GLT8D2: variants seen among roughly 807,000 people sequenced by gnomAD.
GLT8D2 encodes the protein glycosyltransferase 8 domain-containing protein 2.
GLT8D2 carries 45 observed loss-of-function variants against 44.5 expected under a neutral mutation model. The ratio of observed to expected loss-of-function variants is 1.01; its 90% CI spans 0.80 to 1.30. GLT8D2 has a LOEUF of 1.30. Among genes scored for constraint, GLT8D2 ranks in the 50% most tolerant of loss-of-function variants. The pLI, the probability that GLT8D2 is intolerant of heterozygous loss-of-function variation, is 0.00. For synonymous variants in GLT8D2, 156 were observed against 157.2 expected (o/e 0.99, Z 0.06); for missense variants, 400 against 430.4 (o/e 0.93, Z 0.62).
intron 1 of GLT8D2, among the ~76,000 whole-genome samples, chr12:104,025,123 C>T (rs1227722491): frequency 1.3e-5 from 2 of 150,996 alleles, no homozygotes; most frequent in African/African-American, 2.4e-5. Context: ...ATACTTTCCC[C>T]TGGTATGTGA....
chr12:103,993,807 C>T (rs140266717), intron 9 of GLT8D2: 25 of 249,692 alleles, frequency 1.0e-4, no homozygotes, highest in African/African-American at 5.0e-4. Flanking sequence ...TTTAGAATAA[C>T]TTTACTTGCA....
At chr12:103,994,256 C>A in intron 9 of GLT8D2, 79 bp downstream of exon 9, 1 of 1,381,014 alleles carries the variant, frequency 7.2e-7, no homozygotes. Flanking sequence ...TATTTCTAAC[C>A]CTTGAACTAT....
intron 6 of GLT8D2, among the ~76,000 whole-genome samples, chr12:103,998,231 C>CTT (rs34268360): frequency 2.2e-4 from 31 of 143,380 alleles, no homozygotes; most frequent in African/African-American, 5.9e-4. Flanking sequence ...AAACACCACT[C>CTT]TTTTTTTTTT....
At chr12:104,062,363 G>A (rs978610387) in intron 1 of GLT8D2, among the ~76,000 whole-genome samples, 20 of 150,170 alleles carry the variant, frequency 1.3e-4, no homozygotes, top group Middle Eastern at 7.3e-3. Flanking sequence ...GTGAGCCACC[G>A]CACCCGTCCT....
chr12:104,014,297 G>T, intron 4 of GLT8D2: 1 of 700,900 alleles, frequency 1.4e-6, no homozygotes, highest in South Asian at 1.5e-5. Flanking sequence ...CGAGGCTGCA[G>T]GGAGCTGCTA....
At chr12:104,057,208 T>G (rs1348206108) in intron 1 of GLT8D2, among the ~76,000 whole-genome samples, 1 of 152,186 alleles carries the variant, frequency 6.6e-6, no homozygotes, top group African/African-American at 2.4e-5. Context: ...TGCTGAAAGA[T>G]ATCTCACAAC....
intron 1 of GLT8D2, among the ~76,000 whole-genome samples, chr12:104,030,573 A>C (rs965539450): frequency 1.3e-5 from 2 of 152,144 alleles, no homozygotes; most frequent in African/African-American, 4.8e-5. Flanking sequence ...CTGCACTGCA[A>C]AGGAGCAATC....
At chr12:104,009,016 C>T (rs1875468719) in intron 4 of GLT8D2, among the ~76,000 whole-genome samples, 2 of 152,250 alleles carry the variant, frequency 1.3e-5, no homozygotes, top group Non-Finnish European at 2.9e-5. Flanking sequence ...CATGGAGGAC[C>T]TCTGCTAGGG....
At chr12:104,038,837 G>A (rs1880221848) in intron 1 of GLT8D2, among the ~76,000 whole-genome samples, 2 of 152,054 alleles carry the variant, frequency 1.3e-5, no homozygotes, top group African/African-American at 4.8e-5. Flanking sequence ...ACATCGCCAA[G>A]ACAATCCTAA....
intron 4 of GLT8D2, among the ~76,000 whole-genome samples, chr12:104,004,499 A>G (rs1226438265): frequency 6.6e-6 from 1 of 152,206 alleles, no homozygotes; most frequent in East Asian, 1.9e-4. Flanking sequence ...TCAGCCCATA[A>G]TCTCCTCAAG....
intron 4 of GLT8D2, among the ~76,000 whole-genome samples, chr12:104,013,181 T>C (rs991749136): frequency 6.6e-6 from 1 of 152,226 alleles, no homozygotes; most frequent in South Asian, 2.1e-4. Context: ...GAAAGTTCCA[T>C]TGAGCTGCCT....
Position 104,030,373 on chromosome 12 carries a change from C to A in GLT8D2, c.-163-8882G>T, listed in dbSNP as rs1879099646. Among the ~76,000 whole-genome samples, 3 of 151,790 alleles carry A rather than the reference C, an allele frequency of 2.0e-5. No individual in the cohort carries two copies. The South Asian group carries it at 6.2e-4, about 31-fold the overall frequency. ...ATTACATATTAAATAAGTAATTATT[C>A]ATTTTTATTATTTATTAATTTAATA... On this transcript the variant is annotated intron_variant, in intron 1 of 10. Transcript: ENST00000360814.
intron 1 of GLT8D2, among the ~76,000 whole-genome samples, chr12:104,060,001 C>A (rs937837047): frequency 6.6e-6 from 1 of 152,214 alleles, no homozygotes; most frequent in Non-Finnish European, 1.5e-5. Flanking sequence ...TCTCTGGCTT[C>A]TTTCCCTCCC....
intron 5 of GLT8D2, among the ~76,000 whole-genome samples, chr12:104,000,102 T>C (rs538387927): frequency 6.6e-6 from 1 of 152,320 alleles, no homozygotes; most frequent in East Asian, 1.9e-4. Context: ...ATAATGAGGT[T>C]CTTGGTAGAA....
At chr12:104,034,744 C>T (rs1403717781) in intron 1 of GLT8D2, among the ~76,000 whole-genome samples, 1 of 152,280 alleles carries the variant, frequency 6.6e-6, no homozygotes, top group Non-Finnish European at 1.5e-5. Flanking sequence ...GCAGAAACTT[C>T]TGCAGACTTA....
chr12:104,025,285 T>C (rs1185235247), intron 1 of GLT8D2, among the ~76,000 whole-genome samples: 4 of 151,768 alleles, frequency 2.6e-5, no homozygotes, highest in Admixed American at 2.0e-4. Context: ...CTTGGCCCAC[T>C]GCAACCTCCA....
chr12:104,023,322 A>T (rs188747249), intron 1 of GLT8D2, among the ~76,000 whole-genome samples: 1 of 152,250 alleles, frequency 6.6e-6, no homozygotes, highest in Admixed American at 6.5e-5. Flanking sequence ...ATTGCTATGC[A>T]TACTATTTCT....
chr12:103,998,791 C>T (rs1873825551), intron 6 of GLT8D2, among the ~76,000 whole-genome samples: 1 of 152,150 alleles, frequency 6.6e-6, no homozygotes, highest in East Asian at 1.9e-4. Flanking sequence ...AAGCAATCCT[C>T]CCCGCTCAGC....
intron 10 of GLT8D2, among the ~76,000 whole-genome samples, chr12:103,990,644 T>C (rs1872640902): frequency 1.3e-5 from 2 of 152,220 alleles, no homozygotes. Flanking sequence ...TATTCTATTG[T>C]ATGACGTTAA....
Sources: gnomAD v4.1 joint callset for allele counts (sites outside exome capture counted in the v4.1 genomes callset) on GRCh38, gnomAD v4.1.1 for gene constraint, MANE v1.5 for transcripts, NCBI Gene and HGNC (gene_info 2026-07-23, HGNC 2026-07-21) for gene names.